Variants in PPP1R13B observed in about 807,000 individuals in gnomAD.
PPP1R13B encodes apoptosis-stimulating of p53 protein 1.
In PPP1R13B, 44 loss-of-function variants were observed where a neutral mutation model predicts 119.8. That is an observed-to-expected ratio of 0.37 (90% CI 0.29 to 0.47). The LOEUF (loss-of-function observed/expected upper bound fraction) is 0.47, where lower values mean the gene tolerates loss of function less well. Among genes scored for constraint, PPP1R13B ranks in the 20% least tolerant of loss-of-function variants. The probability of loss-of-function intolerance (pLI) is 0.99; values close to 1 mark genes in which losing one functional copy is unlikely to be tolerated. For missense variants in PPP1R13B, 1,227 were observed against 1,413.5 expected (o/e 0.87, Z 2.12); for synonymous variants, 542 against 561.5 (o/e 0.97, Z 0.49).
intron 4 of PPP1R13B, among the ~76,000 whole-genome samples, chr14:103,768,113 GTCT>G (rs1190630194): frequency 2.4e-5 from 3 of 127,594 alleles, no homozygotes; most frequent in African/African-American, 3.5e-5. Flanking sequence ...TCACCTGAGT[GTCT>G]TCTTTTTTTT....
intron 4 of PPP1R13B, among the ~76,000 whole-genome samples, chr14:103,770,858 T>C (rs939323775): frequency 6.6e-6 from 1 of 152,168 alleles, no homozygotes; most frequent in African/African-American, 2.4e-5. Context: ...ACCAGAAACC[T>C]TGGGCAATAA....
intron 15 of PPP1R13B, 133 bp downstream of exon 15, chr14:103,737,561 A>G: frequency 8.5e-7 from 1 of 1,181,824 alleles, no homozygotes. Context: ...GGGTGACAGA[A>G]TGAGACCTTG....
At chr14:103,743,685 C>G (rs1262548639) in intron 9 of PPP1R13B, among the ~76,000 whole-genome samples, 2 of 152,252 alleles carry the variant, frequency 1.3e-5, no homozygotes, top group Non-Finnish European at 2.9e-5. Flanking sequence ...AGCACATCCC[C>G]TTCCCTTATC....
intron 4 of PPP1R13B, among the ~76,000 whole-genome samples, chr14:103,769,556 T>A (rs542458215): frequency 7.1e-4 from 108 of 152,304 alleles, no homozygotes; most frequent in Middle Eastern, 6.8e-3. Flanking sequence ...TAGTTTTTTT[T>A]AAAAGTATAA....
At chr14:103,833,629 C>T (rs749101547) in intron 1 of PPP1R13B, among the ~76,000 whole-genome samples, 33 of 151,840 alleles carry the variant, frequency 2.2e-4, no homozygotes, top group African/African-American at 4.4e-4. Flanking sequence ...GGTGACAGAG[C>T]GAGACTCCAT....
intron 4 of PPP1R13B, among the ~76,000 whole-genome samples, chr14:103,774,023 T>C (rs1262300205): frequency 3.3e-5 from 5 of 152,162 alleles, no homozygotes; most frequent in Non-Finnish European, 7.4e-5. Flanking sequence ...GACAAAGGTG[T>C]CAGGCAATTC....
chr14:103,762,634 G>A (rs1250155574), intron 4 of PPP1R13B, among the ~76,000 whole-genome samples: 1 of 151,618 alleles, frequency 6.6e-6, no homozygotes, highest in Non-Finnish European at 1.5e-5. Context: ...AATAATATTT[G>A]GAATAGGCAG....
intron 1 of PPP1R13B, among the ~76,000 whole-genome samples, chr14:103,846,080 C>G (rs2087023763): frequency 6.6e-6 from 1 of 152,146 alleles, no homozygotes; most frequent in African/African-American, 2.4e-5. Context: ...GCGTTTCACC[C>G]CAGATCTTCT....
rs547540897 is a variant in PPP1R13B at position 103,754,861 on chromosome 14, G to A, written c.457-617C>T. Among the ~76,000 whole-genome samples, 14 of 151,724 alleles carry A rather than the reference G, an allele frequency of 9.2e-5. No homozygotes were observed. In the South Asian group the frequency reaches 1.9e-3, roughly 20 times the overall value. ...GTGGCATGATCTCGGCTCACTGCAA[G>A]CTCTGCCTCCCGGGTTCACACCATT... On this transcript the variant is annotated intron_variant, in intron 5 of 16. Coordinates refer to ENST00000202556, the MANE Select transcript of PPP1R13B (RefSeq NM_015316.3).
intron 7 of PPP1R13B, among the ~76,000 whole-genome samples, chr14:103,750,712 T>C (rs567046183): frequency 2.0e-5 from 3 of 151,680 alleles, no homozygotes; most frequent in Non-Finnish European, 4.4e-5. Context: ...GTGCCTATAA[T>C]CCCAGCTACT....
At chr14:103,793,912 A>G (rs962792192) in intron 2 of PPP1R13B, among the ~76,000 whole-genome samples, 2 of 152,152 alleles carry the variant, frequency 1.3e-5, no homozygotes, top group African/African-American at 2.4e-5. Flanking sequence ...ATTTAACTGT[A>G]TTTGGAGACA....
chr14:103,739,456 C>A (rs930313100), intron 12 of PPP1R13B, among the ~76,000 whole-genome samples: 1 of 152,202 alleles, frequency 6.6e-6, no homozygotes, highest in South Asian at 2.1e-4. Flanking sequence ...GCCTGGCTCC[C>A]TCTCTGCTCC....
rs1243016905 is a variant in PPP1R13B at position 103,758,960 on chromosome 14, T to C, written c.355-1209A>G. 2.7e-5 allele frequency among the ~76,000 whole-genome samples: 2 copies of C among 73,258 alleles called. 1 individual carries two copies. Among genetic ancestry groups the C allele is most frequent in the Non-Finnish European group, 6.9e-5 (2 of 28,806 alleles). 48.1% of individuals were successfully genotyped at this position (73,258 alleles called of 152,430 possible). On this transcript the variant is annotated intron_variant, in intron 4 of 16. Transcript: ENST00000202556. Reference sequence around the variant, plus strand: ...ACATGGGATCAGGATTTAACAGTCTTTTTTTTTTTTTTTCTTGAGACGGAG... The same window carrying C: ...ACATGGGATCAGGATTTAACAGTCTCTTTTTTTTTTTTTCTTGAGACGGAG...
intron 4 of PPP1R13B, among the ~76,000 whole-genome samples, chr14:103,762,060 GTTT>G (rs2084819948): frequency 6.6e-6 from 1 of 152,086 alleles, no homozygotes; most frequent in Non-Finnish European, 1.5e-5. Context: ...GTGCTCTCTT[GTTT>G]AGCTTTTGTG....
chr14:103,809,037 T>A (rs190763909), intron 1 of PPP1R13B, among the ~76,000 whole-genome samples: 328 of 152,238 alleles, frequency 2.2e-3, no homozygotes, highest in Middle Eastern at 0.02. Flanking sequence ...TAATTTTTTT[T>A]ATTTTTTGTA....
chr14:103,776,192 GGAAGGA>G (rs1567114314), intron 4 of PPP1R13B, among the ~76,000 whole-genome samples: 65 of 112,954 alleles, frequency 5.8e-4, no homozygotes, highest in South Asian at 3.3e-3. Context: ...GAGGGAGGAA[GGAAGGA>G]AGGAAGGAAG....
chr14:103,813,164 T>C (rs181506121), intron 1 of PPP1R13B, among the ~76,000 whole-genome samples: 1 of 152,184 alleles, frequency 6.6e-6, no homozygotes, highest in East Asian at 1.9e-4. Context: ...TGTCCTTCAG[T>C]AGATGAATGG....
chr14:103,765,310 C>T (rs1003588433), intron 4 of PPP1R13B, among the ~76,000 whole-genome samples: 1 of 152,142 alleles, frequency 6.6e-6, no homozygotes, highest in Non-Finnish European at 1.5e-5. Context: ...AAAAAATTCC[C>T]TAAGCTTTCA....
At chr14:103,776,887 A>C (rs2085213059) in intron 4 of PPP1R13B, among the ~76,000 whole-genome samples, 1 of 151,750 alleles carries the variant, frequency 6.6e-6, no homozygotes, top group African/African-American at 2.4e-5. Context: ...AAAAAAAAAG[A>C]AACTCAATCT....
Sources: gnomAD v4.1 joint callset for allele counts (sites outside exome capture counted in the v4.1 genomes callset) on GRCh38, gnomAD v4.1.1 for gene constraint, MANE v1.5 for transcripts, NCBI Gene and HGNC (gene_info 2026-07-23, HGNC 2026-07-21) for gene names.